The following LMF1 variants were observed in gnomAD, a reference collection of about 807,000 sequenced individuals.
LMF1 encodes lipase maturation factor 1.
Under a neutral mutation model 60.6 loss-of-function variants are expected in LMF1, and 68 were observed. That is an observed-to-expected ratio of 1.12 (90% CI 0.92 to 1.37). The LOEUF is 1.37. Among genes scored for constraint, LMF1 ranks in the 40% most tolerant of loss-of-function variants. LMF1 has a pLI of 0.00. For missense variants in LMF1, 948 were observed against 767.2 expected, an observed-to-expected ratio of 1.24 and a Z score of -2.78; for synonymous variants, 418 against 324.7, an observed-to-expected ratio of 1.29 and a Z score of -3.09.
intron 1 of LMF1, chr16:980,635 C>G (rs1028444776): frequency 6.6e-6 from 1 of 152,166 alleles, no homozygotes; most frequent in Admixed American, 6.5e-5. Flanking sequence ...CCCTTCGCCT[C>G]CAGCGCGCTG....
At chr16:907,716 G>A (rs982787973) in intron 4 of LMF1, among the ~76,000 whole-genome samples, 2 of 152,326 alleles carry the variant, frequency 1.3e-5, no homozygotes, top group South Asian at 4.1e-4. Flanking sequence ...AGCCGGCTCT[G>A]TCCACAGGGT....
upstream of LMF1, among the ~76,000 whole-genome samples, chr16:973,935 G>A (rs1246846059): frequency 6.6e-6 from 1 of 151,822 alleles, no homozygotes; most frequent in Non-Finnish European, 1.5e-5. Context: ...ACGTGAACGC[G>A]GGGGCTGGAG....
At chr16:858,974 A>T (rs867173969) in intron 10 of LMF1, among the ~76,000 whole-genome samples, 17 of 59,464 alleles carry the variant, frequency 2.9e-4, no homozygotes, top group Admixed American at 5.7e-4. Context: ...CAGTGGTGTC[A>T]CGGGACGGGT....
At chr16:944,564 C>G (rs1048042820) in intron 2 of LMF1, among the ~76,000 whole-genome samples, 5 of 152,216 alleles carry the variant, frequency 3.3e-5, no homozygotes, top group African/African-American at 1.2e-4. Context: ...TTTCCAGGGA[C>G]AGCAGTCCTG....
rs1216156103 is a variant in LMF1, at chr16:954,590, G to C, written c.270C>G (p.Phe90Leu). ...GGAAGTACTGCTGGAAGTTCTTCAG[G>C]AACACTCTGCAGGGAAGCAGCCCCC... ...GDRGLLPCRV[F>L]LKNFQQYFQD... The change falls in exon 2 of 11, where the codon TTC becomes TTG. Residue 90 changes from phenylalanine (F) to leucine (L), a missense_variant. Physicochemically the swap from Phe to Leu is conservative, Grantham distance 22. Coordinates refer to ENST00000262301, the MANE Select transcript of LMF1 (RefSeq NM_022773.4). 1 of 1,612,962 alleles carries C rather than the reference G, an allele frequency of 6.2e-7. No homozygotes were observed. Among genetic ancestry groups the C allele is most frequent in the Non-Finnish European group, 8.5e-7 (1 of 1,179,598 alleles).
chr16:947,914 C>T (rs79871813), intron 2 of LMF1, among the ~76,000 whole-genome samples: 30 of 135,524 alleles, frequency 2.2e-4, no homozygotes, highest in African/African-American at 7.2e-4. Flanking sequence ...AGTCAGCCAA[C>T]GACAGAGTCA....
At position 897,167 on chromosome 16, in the gene LMF1, T is replaced by C. The variant is rs2070687951; in HGVS notation, c.664-4095A>G. 6.6e-6 allele frequency among the ~76,000 whole-genome samples: 1 copy of C among 152,236 alleles called. No homozygotes were observed. The highest frequency in any genetic ancestry group is 2.4e-5 in the African/African-American group (1 of 41,454). On this transcript the variant is annotated intron_variant, in intron 4 of 10. Coordinates refer to ENST00000262301, the MANE Select transcript of LMF1 (RefSeq NM_022773.4). The surrounding 1 kb of genome is among the most constrained non-coding windows in gnomAD (Gnocchi z 4.3). The stretch of plus-strand genomic sequence containing the variant: ...GTGGCTGCAGCAGCTCTTCTCCTGA[T>C]GCCTGTGTGTCCTGGGACACACTTC...
intron 1 of LMF1, chr16:980,631 G>A (rs968217905): frequency 1.8e-4 from 27 of 152,136 alleles, no homozygotes; most frequent in African/African-American, 5.8e-4. Flanking sequence ...CAGCCCCTTC[G>A]CCTCCAGCGC....
At chr16:967,349 G>A (rs1179302454) in intron 1 of LMF1, among the ~76,000 whole-genome samples, 2 of 152,108 alleles carry the variant, frequency 1.3e-5, no homozygotes, top group South Asian at 4.1e-4. Context: ...GACCCTGGGG[G>A]TTCCTGCCAT....
At chr16:915,481 T>C (rs1003591560) in intron 3 of LMF1, among the ~76,000 whole-genome samples, 3 of 152,212 alleles carry the variant, frequency 2.0e-5, no homozygotes, top group Non-Finnish European at 4.4e-5. Flanking sequence ...CCTCTGCCAC[T>C]GAAGAACCAG....
At chr16:884,075 T>C (rs1230844584) in intron 5 of LMF1, 1 of 152,232 alleles carries the variant, frequency 6.6e-6, no homozygotes, top group African/African-American at 2.4e-5. Context: ...TTTGAGAGTC[T>C]TCTGACCTCC....
At chr16:964,888 G>A (rs150420069) in intron 1 of LMF1, among the ~76,000 whole-genome samples, 6 of 152,338 alleles carry the variant, frequency 3.9e-5, no homozygotes, top group East Asian at 3.9e-4. Flanking sequence ...CCGGGGAGAC[G>A]CGATAAAACT....
intron 1 of LMF1, among the ~76,000 whole-genome samples, chr16:977,821 C>CCA (rs750130083): frequency 1.1e-3 from 170 of 150,676 alleles, no homozygotes; most frequent in Middle Eastern, 3.4e-3. Context: ...CCAACACACA[C>CCA]CACACACACA....
chr16:942,210 A>C (rs1010901638), intron 2 of LMF1, among the ~76,000 whole-genome samples: 19 of 152,390 alleles, frequency 1.2e-4, no homozygotes, highest in Middle Eastern at 3.4e-3. Context: ...GTTTTTCTTT[A>C]GAACTCTAAA....
At chr16:863,568 TTTTCAG>T (rs1391647551) in intron 10 of LMF1, among the ~76,000 whole-genome samples, 1 of 152,256 alleles carries the variant, frequency 6.6e-6, no homozygotes, top group African/African-American at 2.4e-5. Context: ...CTATTGTTTG[TTTTCAG>T]TTTCATTTTC....
chr16:980,680 G>A (rs912548451), intron 1 of LMF1: 16 of 137,632 alleles, frequency 1.2e-4, no homozygotes, highest in African/African-American at 4.3e-4. Flanking sequence ...GGGGACGGCC[G>A]GGCCGAGGCC....
At position 874,480 on chromosome 16, in the gene LMF1, T is replaced by C. The variant is rs2069910195; in HGVS notation, c.898-3139A>G. On this transcript the variant is annotated intron_variant, in intron 6 of 10. Transcript: ENST00000262301. This position sits in a 1 kb window ranked among gnomAD's most constrained non-coding sequence, Gnocchi z 4.1. Reference sequence around the variant, plus strand: ...CGTCTCCCTGTCACCAGTGCCCTAGTGGAGGCTGATGGCTCCCGTGGGGTG... The same window carrying C: ...CGTCTCCCTGTCACCAGTGCCCTAGCGGAGGCTGATGGCTCCCGTGGGGTG... 6.6e-6 allele frequency among the ~76,000 whole-genome samples: 1 copy of C among 152,208 alleles called. No individual in the cohort carries two copies. The highest frequency in any genetic ancestry group is 1.5e-5 in the Non-Finnish European group (1 of 68,028).
At chr16:967,503 G>A (rs901207430) in intron 1 of LMF1, among the ~76,000 whole-genome samples, 2 of 152,150 alleles carry the variant, frequency 1.3e-5, no homozygotes, top group African/African-American at 2.4e-5. Context: ...ACCCATGGGC[G>A]GCCGGCACTG....
rs2072763777 is a variant in LMF1, at chr16:958,883, TC to T, written c.194-4218del. Among the ~76,000 whole-genome samples, 4 of 149,068 alleles carry T rather than the reference TC, an allele frequency of 2.7e-5. No homozygotes were observed. The South Asian group carries it at 8.5e-4, about 32-fold the overall frequency. ...GCCTCGGCGACAGAGTAAGACTGTC[TC>T]AAAAAAAAAACCAAAAAAACAAAAC... On this transcript the variant is annotated intron_variant, in intron 1 of 10. Coordinates refer to ENST00000262301, the MANE Select transcript of LMF1 (RefSeq NM_022773.4).
Sources: allele counts gnomAD v4.1 joint callset (sites outside exome capture counted in the v4.1 genomes callset), GRCh38; gene constraint gnomAD v4.1.1; non-coding constraint Gnocchi (gnomAD v3.1); transcripts MANE v1.5; gene names NCBI Gene and HGNC (gene_info 2026-07-23, HGNC 2026-07-21).